RYR1: variants seen among roughly 807,000 people sequenced by gnomAD.
RYR1 encodes central core disease of muscle.
RYR1 carries 342 observed loss-of-function variants against 583.5 expected under a neutral mutation model. The ratio of observed to expected loss-of-function variants is 0.59; its 90% CI spans 0.54 to 0.64. RYR1 has a LOEUF of 0.64. RYR1 is among the 30% of genes least tolerant of loss of function. RYR1 has a pLI of 0.00. For missense variants in RYR1, 6,032 were observed against 6,917.2 expected (o/e 0.87, Z 4.54); for synonymous variants, 2,791 against 2,822.5 (o/e 0.99, Z 0.35).
At chr19:38,507,060 G>A in intron 57 of RYR1, 108 bp downstream of exon 57, 2 of 1,555,838 alleles carry the variant, frequency 1.3e-6, no homozygotes, top group East Asian at 2.3e-5. Context: ...CGGGGCCTGA[G>A]GAGCAAAGAT....
rs780862184 is a variant in RYR1, at chr19:38,517,346, C to T, written c.9686-13C>T. On this transcript the variant is annotated splice_polypyrimidine_tract_variant and intron_variant, in intron 65 of 105. Transcript: ENST00000359596. ...ATGGCTTGACATTCCCTGCCCCCGT[C>T]CCTGTACCCCAGTCCTGGGGCTCCC... The T allele has an allele frequency of 6.2e-7, 1 of 1,611,982 alleles. No individual in the cohort carries two copies.
Position 38,585,408 on chromosome 19 carries a change from G to GT in RYR1, c.14803+312dup, listed in dbSNP as rs1046431265. Among the ~76,000 whole-genome samples the GT allele has an allele frequency of 3.6e-3, 520 of 146,172 alleles. 8 individuals are homozygous for GT. Among genetic ancestry groups the GT allele is most frequent in the Non-Finnish European group, 6.4e-3 (426 of 66,912 alleles). ...TATATGTTTATTTATATATATATGT[G>GT]TTTATATATATTTATATATGTGTTT... On this transcript the variant is annotated intron_variant, in intron 102 of 105. Coordinates refer to ENST00000359596, the MANE Select transcript of RYR1 (RefSeq NM_000540.3).
rs756570405 is a variant in RYR1 at position 38,440,854 on chromosome 19, G to A, written c.155G>A (p.Ser52Asn). ...GNRLCFLEPTSNAQNVPPDLA... is the reference protein window; with the variant it reads ...GNRLCFLEPTNNAQNVPPDLA... ...CGCCTGTGCTTCCTGGAGCCCACTA[G>A]CAACGCGCAGGTCTGTGCAGGAGGG... is the stretch of plus-strand genomic sequence containing the variant. Residue 52 changes from serine to asparagine, a missense_variant, in exon 2 of 106, where the codon AGC becomes AAC. Physicochemically the swap from Ser to Asn is conservative, Grantham distance 46. This residue lies in a region of RYR1 where 71 missense variants were observed against 75.3 expected (regional missense o/e 0.94). Transcript: ENST00000359596. The A allele has an allele frequency of 6.2e-6, 10 of 1,612,024 alleles. No individual in the cohort carries two copies. Among genetic ancestry groups the A allele is most frequent in the Non-Finnish European group, 8.5e-6 (10 of 1,179,708 alleles).
At chr19:38,471,361 T>G (rs1308256539) in intron 27 of RYR1, among the ~76,000 whole-genome samples, 2 of 152,046 alleles carry the variant, frequency 1.3e-5, no homozygotes, top group African/African-American at 4.8e-5. Context: ...AAACCCTGTC[T>G]CTACACAGAA....
At chr19:38,457,772 G>A in intron 17 of RYR1, 142 bp downstream of exon 17, 1 of 894,532 alleles carries the variant, frequency 1.1e-6, no homozygotes, top group Admixed American at 2.0e-5. Context: ...GTCCACTGTG[G>A]CCCCACTCTC....
At chr19:38,522,944 TCTC>T (rs1483921708) in intron 67 of RYR1, 81 bp from the exon 68 acceptor site, 24 of 1,089,288 alleles carry the variant, frequency 2.2e-5, no homozygotes, top group Non-Finnish European at 3.0e-5. Context: ...CTGGTCCCCA[TCTC>T]CTCCTCCAAG....
rs146672819 is a variant in RYR1 at position 38,563,104 on chromosome 19, T to C, written c.12624+1650T>C. Among the ~76,000 whole-genome samples the C allele has an allele frequency of 5.2e-3, 793 of 152,284 alleles. 4 individuals are homozygous for C. Among genetic ancestry groups the C allele is most frequent in the African/African-American group, 0.019 (774 of 41,536 alleles). On this transcript the variant is annotated intron_variant, in intron 90 of 105. Coordinates refer to ENST00000359596, the MANE Select transcript of RYR1 (RefSeq NM_000540.3). ...CCTCCTCTCTTCCTCTGACCCTGCG[T>C]GCTCCCCATACAAACACTCTTTGCC...
rs551474037 is a variant in RYR1, at chr19:38,543,749, C to CA, written c.11908-21dup. The CA allele has an allele frequency of 2.5e-4, 400 of 1,611,780 alleles. 2 individuals are homozygous for CA. The African/African-American group carries it at 4.5e-3, about 18-fold the overall frequency. Reference sequence around the variant, plus strand: ...CCTTCTCGGGGATTCCCTTCCCCCCCACACGGCACTCTGCCTCCCAGGGTC... The same window carrying CA: ...CCTTCTCGGGGATTCCCTTCCCCCCCAACACGGCACTCTGCCTCCCAGGGTC... On this transcript the variant is annotated intron_variant, in intron 86 of 105. Coordinates refer to ENST00000359596, the MANE Select transcript of RYR1 (RefSeq NM_000540.3). The surrounding 1 kb of genome is among the most constrained non-coding windows in gnomAD (Gnocchi z 4.4).
At chr19:38,509,358 G>T (rs760871386) in intron 58 of RYR1, among the ~76,000 whole-genome samples, 1 of 152,042 alleles carries the variant, frequency 6.6e-6, no homozygotes, top group Non-Finnish European at 1.5e-5. Flanking sequence ...CCTCCAAGTT[G>T]TAAGGAGACT....
At chr19:38,438,704 C>T (rs185431705) in intron 1 of RYR1, among the ~76,000 whole-genome samples, 37 of 146,406 alleles carry the variant, frequency 2.5e-4, no homozygotes, top group Admixed American at 6.4e-4. Flanking sequence ...CTACAAGCTC[C>T]GCCTCCCAGG....
intron 58 of RYR1, 94 bp from the exon 59 acceptor site, chr19:38,510,404 A>G: frequency 7.9e-7 from 1 of 1,268,054 alleles, no homozygotes; most frequent in South Asian, 1.2e-5. Flanking sequence ...ATCCCCCATC[A>G]TTTCCCAACT....
At chr19:38,505,695 C>A (rs1970412339) in intron 53 of RYR1, 111 bp from the exon 54 acceptor site, 1 of 1,373,132 alleles carries the variant, frequency 7.3e-7, no homozygotes, top group Non-Finnish European at 1.0e-6. Context: ...GAGTTGGAAT[C>A]CAGACTGGAC....
chr19:38,580,235 G>A, intron 100 of RYR1, 107 bp downstream of exon 100: 5 of 1,594,808 alleles, frequency 3.1e-6, no homozygotes, highest in Non-Finnish European at 4.3e-6. Flanking sequence ...GGCAAGGCCA[G>A]GTGCGCTGAG....
intron 31 of RYR1, among the ~76,000 whole-genome samples, chr19:38,480,990 A>G (rs1295546784): frequency 6.6e-6 from 1 of 151,894 alleles, no homozygotes; most frequent in Non-Finnish European, 1.5e-5. Flanking sequence ...GGCCTCCCAA[A>G]GTGCTGGGAT....
At chr19:38,523,162 G>A in intron 68 of RYR1, 47 bp downstream of exon 68, 1 of 1,614,032 alleles carries the variant, frequency 6.2e-7, no homozygotes, top group Non-Finnish European at 8.5e-7. Context: ...AGGAGCCGCA[G>A]CCCACAGGCG....
chr19:38,436,472 G>C (rs939435114), intron 1 of RYR1, among the ~76,000 whole-genome samples: 3 of 152,020 alleles, frequency 2.0e-5, no homozygotes, highest in African/African-American at 7.3e-5. Flanking sequence ...GCCTCCCAAA[G>C]TTTTGGGATT....
Position 38,523,312 on chromosome 19 carries a change from C to T in RYR1, c.10440+3C>T, listed in dbSNP as rs564297039. ...ACAACAAAAGCAAAATGGCTAAGGT[C>T]GGGGCTTGGTTCTGGGAGGAGCACT... On this transcript the variant is annotated splice_donor_region_variant and intron_variant, in intron 69 of 105. Coordinates refer to ENST00000359596, the MANE Select transcript of RYR1 (RefSeq NM_000540.3). 2.5e-5 allele frequency: 40 copies of T among 1,614,142 alleles called. No individual in the cohort carries two copies. Among genetic ancestry groups the T allele is most frequent in the South Asian group, 1.9e-4 (17 of 91,072 alleles).
At position 38,561,288 on chromosome 19, in the gene RYR1, T is replaced by G. The variant is rs1437917324; in HGVS notation, c.12458T>G (p.Val4153Gly). ...AVLLTNLSEH[V>G]PHDPRLHNFL... The stretch of plus-strand genomic sequence containing the variant: ...CTGCTGACCAACCTGTCGGAGCATG[T>G]GCCGCATGACCCTCGCCTGCACAAC... Residue 4153 changes from valine to glycine, a missense_variant, in exon 90 of 106, where the codon GTG becomes GGG. This residue lies in a region of RYR1 where 753 missense variants were observed against 759.6 expected (regional missense o/e 0.99). Transcript: ENST00000359596. The surrounding 1 kb of genome is among the most constrained non-coding windows in gnomAD (Gnocchi z 4.8). 4.3e-6 allele frequency: 7 copies of G among 1,614,048 alleles called. No individual in the cohort carries two copies. Among genetic ancestry groups the G allele is most frequent in the Non-Finnish European group, 5.9e-6 (7 of 1,180,032 alleles).
chr19:38,455,051 G>C (rs1967292572), intron 13 of RYR1, among the ~76,000 whole-genome samples, 184 bp from the exon 14 acceptor site: 1 of 152,098 alleles, frequency 6.6e-6, no homozygotes, highest in Non-Finnish European at 1.5e-5. Flanking sequence ...AATAGATATG[G>C]GGAGCCAAGG....
Sources: gnomAD v4.1 joint callset for allele counts (sites outside exome capture counted in the v4.1 genomes callset) on GRCh38, gnomAD v4.1.1 for gene constraint, gnomAD v4.1.1 regional missense constraint, Gnocchi (gnomAD v3.1) non-coding constraint, MANE v1.5 for transcripts, NCBI Gene and HGNC (gene_info 2026-07-23, HGNC 2026-07-21) for gene names.